The following MTCL1 variants were observed in gnomAD, a reference collection of about 807,000 sequenced individuals.
MTCL1 encodes microtubule cross-linking factor 1.
MTCL1 carries 79 observed loss-of-function variants against 141.4 expected under a neutral mutation model. The observed-to-expected ratio is 0.56, with a 90% CI of 0.47 to 0.67. MTCL1 has a LOEUF of 0.67. MTCL1 is among the 30% of genes least tolerant of loss of function. The pLI is 0.00. For synonymous variants in MTCL1, 914 were observed against 875.8 expected, an observed-to-expected ratio of 1.04 and a Z score of -0.77; for missense variants, 2,177 against 2,113.9, an observed-to-expected ratio of 1.03 and a Z score of -0.59.
intron 8 of MTCL1, among the ~76,000 whole-genome samples, chr18:8,794,892 A>G (rs180788430): frequency 5.9e-5 from 9 of 152,308 alleles, no homozygotes; most frequent in African/African-American, 2.2e-4. Flanking sequence ...AGATGGTGCA[A>G]AAGATCCCAT....
chr18:8,820,125 T>C (rs1461408107), intron 13 of MTCL1, among the ~76,000 whole-genome samples: 1 of 152,170 alleles, frequency 6.6e-6, no homozygotes, highest in Non-Finnish European at 1.5e-5. Flanking sequence ...AAAGTTGTTC[T>C]AGGGCCGGAT....
chr18:8,825,609 A>G, exon 15 of MTCL1: 1 of 1,613,780 alleles, frequency 6.2e-7, no homozygotes, highest in South Asian at 1.1e-5. Context: ...GAGCCTTAGG[A>G]GCAGACAGGT....
chr18:8,710,448 A>G (rs1007421186), intron 1 of MTCL1, among the ~76,000 whole-genome samples: 2 of 142,452 alleles, frequency 1.4e-5, no homozygotes, highest in African/African-American at 5.2e-5. Flanking sequence ...CATAAAACCC[A>G]GGCACTTTCT....
At chr18:8,796,494 A>G in intron 9 of MTCL1, 32 bp downstream of exon 8, 2 of 1,608,546 alleles carry the variant, frequency 1.2e-6, no homozygotes, top group South Asian at 1.1e-5. Flanking sequence ...TTTTATTTGC[A>G]TCTGTTTTGT....
At chr18:8,765,915 A>G (rs529722922) in intron 4 of MTCL1, among the ~76,000 whole-genome samples, 18 of 152,300 alleles carry the variant, frequency 1.2e-4, no homozygotes, top group Non-Finnish European at 2.1e-4. Flanking sequence ...CTGTCCACTC[A>G]GAAACCATTA....
chr18:8,767,157 C>G (rs753440633), intron 4 of MTCL1, among the ~76,000 whole-genome samples: 1 of 152,200 alleles, frequency 6.6e-6, no homozygotes, highest in African/African-American at 2.4e-5. Context: ...GAAAGTTACC[C>G]CCTCCTCTTG....
chr18:8,794,399 A>G (rs2075842515), intron 8 of MTCL1, among the ~76,000 whole-genome samples: 1 of 152,212 alleles, frequency 6.6e-6, no homozygotes, highest in Non-Finnish European at 1.5e-5. Flanking sequence ...TCTGAGAATT[A>G]GGAAGTTCAT....
rs148037411 is a variant in MTCL1 at position 8,803,662 on chromosome 18, G to T, written c.2437-3231G>T. Among the ~76,000 whole-genome samples, 14 of 152,280 alleles carry T rather than the reference G, an allele frequency of 9.2e-5. No homozygotes were observed. In the East Asian group the frequency reaches 2.5e-3, roughly 27 times the overall value. On this transcript the variant is annotated intron_variant, in intron 10 of 16. Coordinates refer to ENST00000359865, the Ensembl canonical transcript of MTCL1. Reference sequence around the variant, plus strand: ...ACAGGTACCAATAGCATTGAGCTGGGCTCTCTTGCTCCCTTTGGCCACCTT... The same window carrying T: ...ACAGGTACCAATAGCATTGAGCTGGTCTCTCTTGCTCCCTTTGGCCACCTT...
intron 4 of MTCL1, among the ~76,000 whole-genome samples, chr18:8,737,767 G>A (rs1247586135): frequency 1.3e-5 from 2 of 152,154 alleles, no homozygotes; most frequent in African/African-American, 2.4e-5. Flanking sequence ...CAAGAACTGG[G>A]GTCGTGCGGG....
intron 5 of MTCL1, among the ~76,000 whole-genome samples, chr18:8,781,128 T>C (rs985868286): frequency 8.7e-5 from 12 of 138,516 alleles, no homozygotes; most frequent in Non-Finnish European, 1.5e-4. Flanking sequence ...GAGCCAAGAT[T>C]GCGCCATTGC....
intron 7 of MTCL1, chr18:8,786,411 G>T (rs149413249): frequency 5.4e-6 from 3 of 559,206 alleles, no homozygotes; most frequent in Middle Eastern, 3.0e-4. Flanking sequence ...TTGTCCAGTC[G>T]CAGAGAAAGA....
Position 8,772,285 on chromosome 18 carries a change from A to G in MTCL1, c.358-5548A>G, listed in dbSNP as rs1253982774. 3.9e-5 allele frequency among the ~76,000 whole-genome samples: 6 copies of G among 152,368 alleles called. No homozygotes were observed. In the East Asian group the frequency reaches 9.6e-4, roughly 24 times the overall value. ...TTCGAAGGACCAAGCTGATGAAAAC[A>G]ATATCAGCTTGTGGGAAGAGACCCA... On this transcript the variant is annotated intron_variant, in intron 4 of 16. Transcript: ENST00000359865.
intron 4 of MTCL1, among the ~76,000 whole-genome samples, chr18:8,726,556 A>AC (rs74776368): frequency 0.4 from 58,865 of 146,752 alleles, 12,894 homozygotes; most frequent in African/African-American, 0.53. Flanking sequence ...CGCAACAAGC[A>AC]ATGTTCTGGT....
intron 12 of MTCL1, among the ~76,000 whole-genome samples, chr18:8,813,935 A>C (rs1320948056): frequency 1.3e-5 from 2 of 152,246 alleles, no homozygotes; most frequent in Non-Finnish European, 2.9e-5. Flanking sequence ...ACACAAATTA[A>C]ATTGATGAAG....
At chr18:8,789,729 G>T (rs1190381793) in intron 7 of MTCL1, 1 of 984,576 alleles carries the variant, frequency 1.0e-6, no homozygotes, top group Non-Finnish European at 1.2e-6. Context: ...CTAGGTAAGT[G>T]AACAAAAAAA....
chr18:8,785,564 A>C, intron 6 of MTCL1: 10 of 239,658 alleles, frequency 4.2e-5, no homozygotes, highest in Non-Finnish European at 6.5e-5. Context: ...TAAGGAAGGA[A>C]GAGCCTCGTT....
chr18:8,729,673 A>AATATATATATAT (rs3051533), intron 4 of MTCL1, among the ~76,000 whole-genome samples: 6 of 131,526 alleles, frequency 4.6e-5, no homozygotes, highest in Non-Finnish European at 6.7e-5. Context: ...CAAGAAGACA[A>AATATATATATAT]ATATATATAT....
intron 4 of MTCL1, among the ~76,000 whole-genome samples, chr18:8,773,090 C>T (rs2096491486): frequency 1.3e-5 from 2 of 152,128 alleles, no homozygotes; most frequent in Admixed American, 1.3e-4. Flanking sequence ...TGTAATACCT[C>T]CATAGTACTC....
intron 11 of MTCL1, among the ~76,000 whole-genome samples, chr18:8,808,005 C>CAAAA (rs530719223): frequency 3.5e-5 from 4 of 114,566 alleles, no homozygotes; most frequent in African/African-American, 9.1e-5. Flanking sequence ...CTTGATGTGT[C>CAAAA]AAAAAAAAAA....
Sources: gnomAD v4.1 joint callset for allele counts (sites outside exome capture counted in the v4.1 genomes callset) on GRCh38, gnomAD v4.1.1 for gene constraint, MANE v1.5 for transcripts, NCBI Gene and HGNC (gene_info 2026-07-23, HGNC 2026-07-21) for gene names.